The following TAOK1 variants were observed in gnomAD, a reference collection of about 807,000 sequenced individuals.
TAOK1 encodes serine/threonine-protein kinase TAO1.
Under a neutral mutation model 138.3 loss-of-function variants are expected in TAOK1, and 21 were observed. The ratio of observed to expected loss-of-function variants is 0.15; its 90% CI spans 0.11 to 0.22. The LOEUF is 0.22. Among genes scored for constraint, TAOK1 ranks in the 10% least tolerant of loss-of-function variants. TAOK1 has a pLI of 1.00. For missense variants in TAOK1, 651 were observed against 1,227.7 expected (o/e 0.53, Z 7.02); for synonymous variants, 361 against 398.4 (o/e 0.91, Z 1.12).
At position 29,467,146 on chromosome 17, in the gene TAOK1, C is replaced by G; in HGVS notation, c.134C>G (p.Ala45Gly). 6.3e-7 allele frequency: 1 copy of G among 1,586,910 alleles called. No individual in the cohort carries two copies. The highest frequency in any genetic ancestry group is 8.6e-7 in the Non-Finnish European group (1 of 1,163,646). ...GHGSFGAVYF[A>G]RDVRTNEVVA... ...CTTCTTTCTTTCTTTCTTCTTTAGG[C>G]ACGAGATGTGCGTACCAATGAAGTG... Residue 45 changes from alanine (A) to glycine (G), a missense_variant and splice_region_variant, in exon 3 of 20, where the codon GCA (alanine) becomes GGA (glycine). Coordinates refer to ENST00000261716, the MANE Select transcript of TAOK1 (RefSeq NM_020791.4).
intron 1 of TAOK1, among the ~76,000 whole-genome samples, chr17:29,433,424 CA>C (rs35805615): frequency 0.017 from 1,557 of 91,446 alleles, 5 homozygotes; most frequent in Non-Finnish European, 0.019. Context: ...GACTCTGTCT[CA>C]AAAAAAAAAA....
intron 2 of TAOK1, among the ~76,000 whole-genome samples, chr17:29,452,875 A>G (rs567474097): frequency 7.2e-5 from 11 of 152,320 alleles, no homozygotes; most frequent in South Asian, 2.1e-4. Context: ...TTGTTTATCT[A>G]TACATCTGTT....
chr17:29,480,799 G>A (rs2031044871), intron 7 of TAOK1, among the ~76,000 whole-genome samples: 1 of 150,488 alleles, frequency 6.6e-6, no homozygotes, highest in Non-Finnish European at 1.5e-5. Flanking sequence ...GAACCCAGGA[G>A]GCAGAGGTTG....
At chr17:29,398,984 ATTT>A (rs529390776) in intron 1 of TAOK1, among the ~76,000 whole-genome samples, 7 of 138,364 alleles carry the variant, frequency 5.1e-5, no homozygotes, top group Admixed American at 7.3e-5. Context: ...CATTGAGATA[ATTT>A]TTTTTTTTTT....
chr17:29,437,758 G>A (rs1906080089), intron 1 of TAOK1, among the ~76,000 whole-genome samples: 1 of 140,908 alleles, frequency 7.1e-6, no homozygotes. Flanking sequence ...TTTTGAGATG[G>A]AGTCTCACTC....
chr17:29,542,156 C>T (rs1260596188), intron 19 of TAOK1, among the ~76,000 whole-genome samples: 4 of 152,152 alleles, frequency 2.6e-5, no homozygotes, highest in Admixed American at 6.5e-5. Flanking sequence ...GGACTACAGG[C>T]GTGAGCCACC....
At chr17:29,476,631 T>G (rs1310378588) in intron 4 of TAOK1, among the ~76,000 whole-genome samples, 1 of 152,126 alleles carries the variant, frequency 6.6e-6, no homozygotes, top group East Asian at 1.9e-4. Context: ...TCAGTATCTG[T>G]GGGGGATTTG....
At chr17:29,511,933 A>G (rs1406133520) in intron 15 of TAOK1, 2 of 152,212 alleles carry the variant, frequency 1.3e-5, no homozygotes, top group African/African-American at 4.8e-5. Context: ...ATTTAAATGT[A>G]GAATAAGGGA....
intron 3 of TAOK1, among the ~76,000 whole-genome samples, chr17:29,470,684 G>A (rs978987293): frequency 6.6e-6 from 1 of 152,140 alleles, no homozygotes; most frequent in Non-Finnish European, 1.5e-5. Context: ...TACCTTGAGT[G>A]AAATAATTTT....
chr17:29,507,762 A>G lies in TAOK1; in HGVS notation c.1339-134A>G, dbSNP rs1598513552. 11 of 809,068 alleles carry G rather than the reference A, an allele frequency of 1.4e-5. No homozygotes were observed. The East Asian group carries it at 3.0e-4, about 22-fold the overall frequency. The allele number at this position is 809,068 out of a possible 1,614,324, so 50.1% of individuals were successfully genotyped here. ...CAATTTCTTTAAAAGACTTGTTGGA[A>G]ATTTCCTTGGAATCTGCTAACATTG... is the stretch of plus-strand genomic sequence containing the variant. On this transcript the variant is annotated intron_variant, in intron 13 of 19. Coordinates refer to ENST00000261716, the MANE Select transcript of TAOK1 (RefSeq NM_020791.4).
At chr17:29,498,775 A>G (rs1334285979) in intron 12 of TAOK1, among the ~76,000 whole-genome samples, 1 of 151,964 alleles carries the variant, frequency 6.6e-6, no homozygotes, top group African/African-American at 2.4e-5. Flanking sequence ...AAAATTAGCT[A>G]GGCATGGTGG....
intron 1 of TAOK1, among the ~76,000 whole-genome samples, chr17:29,422,971 G>A (rs1905500831): frequency 6.6e-6 from 1 of 152,132 alleles, no homozygotes; most frequent in African/African-American, 2.4e-5. Flanking sequence ...GTTGCAGTGA[G>A]TTGAGATCGC....
intron 1 of TAOK1, among the ~76,000 whole-genome samples, chr17:29,450,262 T>C (rs1480541094): frequency 6.6e-6 from 1 of 152,042 alleles, no homozygotes; most frequent in Non-Finnish European, 1.5e-5. Flanking sequence ...AATTTTGTAA[T>C]TTTTTTGTAT....
intron 1 of TAOK1, among the ~76,000 whole-genome samples, chr17:29,424,094 G>C (rs1905555748): frequency 6.7e-6 from 1 of 149,846 alleles, no homozygotes; most frequent in African/African-American, 2.5e-5. Context: ...CCCAGTATAT[G>C]GTGTATTTTG....
Position 29,530,473 on chromosome 17 carries a change from G to A in TAOK1, c.2215G>A (p.Ala739Thr), listed in dbSNP as rs1415294903. 1.2e-6 allele frequency: 2 copies of A among 1,613,802 alleles called. No individual in the cohort carries two copies. The highest frequency in any genetic ancestry group is 1.3e-5 in the African/African-American group (1 of 74,876). The part of the protein sequence containing the change: ...TCKIQTRQYK[A>T]LRNHLLETTP... ...CAAAATCCAAACCAGACAGTACAAA[G>A]CATTAAGAAATCACCTGCTGGAGAC... The change falls in exon 18 of 20, where the codon GCA becomes ACA. Residue 739 changes from alanine (A) to threonine (T), a missense_variant. This residue lies in a region of TAOK1 where 258 missense variants were observed against 548.9 expected (regional missense o/e 0.47). Coordinates refer to ENST00000261716, the MANE Select transcript of TAOK1 (RefSeq NM_020791.4).
intron 1 of TAOK1, among the ~76,000 whole-genome samples, chr17:29,405,094 C>T (rs1904954502): frequency 6.6e-6 from 1 of 152,124 alleles, no homozygotes; most frequent in African/African-American, 2.4e-5. Context: ...ATTCTCCTGC[C>T]TCAGCCTCCC....
At chr17:29,522,670 G>A (rs2031939957) in intron 17 of TAOK1, 151 bp downstream of exon 17, 1 of 1,251,184 alleles carries the variant, frequency 8.0e-7, no homozygotes, top group Non-Finnish European at 1.1e-6. Flanking sequence ...AATGTTAAAT[G>A]CCTGTTGCTA....
chr17:29,457,034 T>C (rs906781872), intron 2 of TAOK1, among the ~76,000 whole-genome samples: 1 of 147,744 alleles, frequency 6.8e-6, no homozygotes, highest in Non-Finnish European at 1.5e-5. Context: ...CATCTGGCCA[T>C]ATAGTTCTAT....
rs1567750822 is a variant in TAOK1 at position 29,542,806 on chromosome 17, A to T, written c.2790A>T (p.Pro930=). 6.2e-7 allele frequency: 1 copy of T among 1,614,024 alleles called. No homozygotes were observed. Among genetic ancestry groups the T allele is most frequent in the Non-Finnish European group, 8.5e-7 (1 of 1,179,996 alleles). Residue 930 remains proline (P), a synonymous_variant, in exon 20 of 20, where the codon CCA becomes CCT. Coordinates refer to ENST00000261716, the MANE Select transcript of TAOK1 (RefSeq NM_020791.4). ...GGGGTCATCCCATGGGTGGCCCACC[A>T]CAAGCTTGGGGCCATCCAATGCAAG... ...PHWGHPMGGP[P]QAWGHPMQGG... is the part of the protein sequence containing the mutation.
Sources: allele counts gnomAD v4.1 joint callset (sites outside exome capture counted in the v4.1 genomes callset), GRCh38; gene constraint gnomAD v4.1.1; regional missense constraint gnomAD v4.1.1; transcripts MANE v1.5; gene names NCBI Gene and HGNC (gene_info 2026-07-23, HGNC 2026-07-21).